The following CMIP variants were observed in gnomAD, a reference collection of about 807,000 sequenced individuals.
CMIP encodes C-Maf-inducing protein.
CMIP carries 13 observed loss-of-function variants against 97.3 expected under a neutral mutation model. That is an observed-to-expected ratio of 0.13 (90% CI 0.09 to 0.21). The LOEUF (loss-of-function observed/expected upper bound fraction) is 0.21, where lower values mean the gene tolerates loss of function less well. Ranked by LOEUF, CMIP falls within the 10% of genes least tolerant of loss-of-function variation. The pLI is 1.00. For missense variants in CMIP, 847 were observed against 1,024.9 expected, an observed-to-expected ratio of 0.83 and a Z score of 2.37; for synonymous variants, 538 against 436.3, an observed-to-expected ratio of 1.23 and a Z score of -2.91.
chr16:81,450,926 C>A (rs150708630), intron 1 of CMIP, among the ~76,000 whole-genome samples: 1 of 152,202 alleles, frequency 6.6e-6, no homozygotes, highest in African/African-American at 2.4e-5. Flanking sequence ...TCTGGACATG[C>A]ATGCACACAG....
At chr16:81,709,217 C>T (rs1274815566) in intron 20 of CMIP, among the ~76,000 whole-genome samples, 2 of 152,148 alleles carry the variant, frequency 1.3e-5, no homozygotes, top group African/African-American at 4.8e-5. Flanking sequence ...TTCCTGGGAT[C>T]CACGTCACTC....
At chr16:81,634,149 C>A (rs184851820) in intron 3 of CMIP, among the ~76,000 whole-genome samples, 232 of 152,374 alleles carry the variant, frequency 1.5e-3, no homozygotes, top group African/African-American at 5.3e-3. Flanking sequence ...ACTATTTTAA[C>A]ATACCCTCCG....
chr16:81,485,133 A>C (rs946048823), intron 1 of CMIP, among the ~76,000 whole-genome samples: 1 of 152,066 alleles, frequency 6.6e-6, no homozygotes, highest in African/African-American at 2.4e-5. Context: ...TTCCGACATC[A>C]TTTGCTTGAA....
chr16:81,577,219 C>A (rs1438288825), intron 1 of CMIP, among the ~76,000 whole-genome samples: 2 of 150,262 alleles, frequency 1.3e-5, no homozygotes, highest in South Asian at 4.2e-4. Flanking sequence ...TCACCTTTAT[C>A]ACCACCATCA....
intron 11 of CMIP, among the ~76,000 whole-genome samples, chr16:81,692,056 G>A (rs1179787279): frequency 2.0e-5 from 3 of 152,116 alleles, no homozygotes; most frequent in Non-Finnish European, 4.4e-5. Context: ...AGGAGAACAG[G>A]GACATTGTAG....
At chr16:81,686,751 T>C (rs1227206691) in intron 10 of CMIP, among the ~76,000 whole-genome samples, 1 of 152,120 alleles carries the variant, frequency 6.6e-6, no homozygotes, top group African/African-American at 2.4e-5. Flanking sequence ...AAACCGCCTG[T>C]TGTCGATGGG....
rs372615268 is a variant in CMIP, at chr16:81,701,777, C to A, written c.1873C>A (p.Arg625=). The A allele has an allele frequency of 1.9e-6, 3 of 1,613,590 alleles. No individual in the cohort carries two copies. The highest frequency in any genetic ancestry group is 2.5e-6 in the Non-Finnish European group (3 of 1,179,890). Residue 625 remains arginine, a synonymous_variant, in exon 16 of 21, where the codon CGG becomes AGG. Transcript: ENST00000537098. ...GCGCATGTACGAGCAGCTGTGTGAC[C>A]GGCAGCGGGAGCTGAAGGAGCTGGT... The part of the protein sequence containing the change: ...GKRMYEQLCD[R]QRELKELQRK...
chr16:81,551,154 C>A (rs1002697800), intron 1 of CMIP, among the ~76,000 whole-genome samples: 1 of 151,168 alleles, frequency 6.6e-6, no homozygotes, highest in Non-Finnish European at 1.5e-5. Context: ...CACACACACC[C>A]CAGTTCCATC....
chr16:81,670,025 C>G, intron 7 of CMIP, 117 bp from the exon 8 acceptor site: 2 of 937,572 alleles, frequency 2.1e-6, no homozygotes, highest in Non-Finnish European at 1.6e-6. Flanking sequence ...CCATTGCCTT[C>G]CACATCAACA....
chr16:81,511,224 A>C (rs1487949564), intron 1 of CMIP, among the ~76,000 whole-genome samples: 2 of 152,222 alleles, frequency 1.3e-5, no homozygotes, highest in African/African-American at 2.4e-5. Flanking sequence ...TTAAATAGGA[A>C]TCTCTAAAAA....
intron 3 of CMIP, among the ~76,000 whole-genome samples, chr16:81,624,412 A>G (rs2092032436): frequency 6.6e-6 from 1 of 151,718 alleles, no homozygotes; most frequent in African/African-American, 2.4e-5. Flanking sequence ...GCTGCGGTGC[A>G]CATACTGTCA....
At chr16:81,684,635 A>G (rs954225205) in intron 10 of CMIP, among the ~76,000 whole-genome samples, 6 of 152,358 alleles carry the variant, frequency 3.9e-5, no homozygotes, top group Non-Finnish European at 8.8e-5. Flanking sequence ...GACCTTTGAC[A>G]AGTGTCTGAA....
At chr16:81,498,854 A>C (rs924436402) in intron 1 of CMIP, among the ~76,000 whole-genome samples, 2 of 152,164 alleles carry the variant, frequency 1.3e-5, no homozygotes, top group African/African-American at 4.8e-5. Flanking sequence ...GTTAGTTTAC[A>C]CCGTGCACAC....
At chr16:81,449,669 T>TCCC (rs11288143) in intron 1 of CMIP, among the ~76,000 whole-genome samples, 61 of 144,886 alleles carry the variant, frequency 4.2e-4, no homozygotes, top group African/African-American at 1.6e-3. Context: ...CACACAGATT[T>TCCC]CCCCCCCCCC....
At chr16:81,524,674 G>T (rs889892630) in intron 1 of CMIP, among the ~76,000 whole-genome samples, 4 of 152,248 alleles carry the variant, frequency 2.6e-5, no homozygotes, top group Non-Finnish European at 5.9e-5. Flanking sequence ...GGGTTTGGCG[G>T]CACAGGCCCT....
intron 1 of CMIP, among the ~76,000 whole-genome samples, chr16:81,470,018 T>C (rs777641044): frequency 2.6e-5 from 4 of 152,184 alleles, no homozygotes; most frequent in Non-Finnish European, 5.9e-5. Context: ...CACTGGGAGC[T>C]CTTGCCTTGC....
intron 1 of CMIP, among the ~76,000 whole-genome samples, chr16:81,527,391 T>C (rs12445567): frequency 0.55 from 83,095 of 152,104 alleles, 23,265 homozygotes; most frequent in Non-Finnish European, 0.6. Context: ...AACAGGGACA[T>C]GTTCATTGTA....
chr16:81,505,995 C>CAAAAT (rs554085547), intron 1 of CMIP, among the ~76,000 whole-genome samples: 2 of 152,152 alleles, frequency 1.3e-5, no homozygotes, highest in African/African-American at 2.4e-5. Context: ...AACTCCATCT[C>CAAAAT]AAAATAAAAT....
At chr16:81,525,634 G>C (rs2090116664) in intron 1 of CMIP, among the ~76,000 whole-genome samples, 1 of 152,110 alleles carries the variant, frequency 6.6e-6, no homozygotes, top group Non-Finnish European at 1.5e-5. Flanking sequence ...TGTGCCACTG[G>C]CCTAGCCAAT....
Sources: allele counts gnomAD v4.1 joint callset (sites outside exome capture counted in the v4.1 genomes callset), GRCh38; gene constraint gnomAD v4.1.1; transcripts MANE v1.5; gene names NCBI Gene and HGNC (gene_info 2026-07-23, HGNC 2026-07-21).